The following FMN1 variants were observed in gnomAD, a reference collection of about 807,000 sequenced individuals.
FMN1 encodes formin 1.
Under a neutral mutation model 132.4 loss-of-function variants are expected in FMN1, and 110 were observed. The ratio of observed to expected loss-of-function variants is 0.83; its 90% CI spans 0.71 to 0.97. The LOEUF (loss-of-function observed/expected upper bound fraction) is 0.97. Ranked by LOEUF, FMN1 falls within the 50% of genes least tolerant of loss-of-function variation. The pLI, the probability that FMN1 is intolerant of heterozygous loss-of-function variation, is 0.00. For missense variants in FMN1, 1,792 were observed against 1,705.3 expected, an observed-to-expected ratio of 1.05 and a Z score of -0.90; for synonymous variants, 722 against 651.7, an observed-to-expected ratio of 1.11 and a Z score of -1.64.
intron 4 of FMN1, among the ~76,000 whole-genome samples, chr15:33,133,440 G>A (rs1166559693): frequency 2.0e-5 from 3 of 152,180 alleles, no homozygotes; most frequent in Admixed American, 6.5e-5. Flanking sequence ...CAAAGAGTAC[G>A]AACAGGGCCA....
At chr15:33,023,967 C>T (rs2035544057) in intron 6 of FMN1, among the ~76,000 whole-genome samples, 1 of 151,966 alleles carries the variant, frequency 6.6e-6, no homozygotes. Context: ...GCAGGAGAAA[C>T]TGATAAGCCA....
At position 32,884,446 on chromosome 15, in the gene FMN1, AGACT is replaced by A. The variant is rs1391555474; in HGVS notation, c.3835+3722_3835+3725del. ...GCCAGGGAAAGTCCTCAGCGTTTAA[AGACT>A]GACTTTAAAGATTCATGTGATTAGA... is the stretch of plus-strand genomic sequence containing the variant. On this transcript the variant is annotated intron_variant, in intron 16 of 20. Coordinates refer to ENST00000616417, the MANE Select transcript of FMN1 (RefSeq NM_001277313.2). 7.2e-5 allele frequency among the ~76,000 whole-genome samples: 11 copies of A among 152,320 alleles called. No homozygotes were observed. In the South Asian group the frequency reaches 2.1e-3, roughly 29 times the overall value.
chr15:32,938,898 A>C (rs570329040), intron 9 of FMN1, among the ~76,000 whole-genome samples: 1 of 152,226 alleles, frequency 6.6e-6, no homozygotes, highest in African/African-American at 2.4e-5. Flanking sequence ...TACTAGATCT[A>C]CTAGGCTGGT....
intron 6 of FMN1, among the ~76,000 whole-genome samples, chr15:33,019,516 G>A (rs345837): frequency 0.4 from 60,090 of 152,086 alleles, 12,223 homozygotes; most frequent in Admixed American, 0.48. Context: ...ATGGGACCGG[G>A]CGCCCTGGAG....
chr15:32,872,460 A>G (rs1021947454), intron 16 of FMN1, among the ~76,000 whole-genome samples: 4 of 152,256 alleles, frequency 2.6e-5, no homozygotes, highest in African/African-American at 7.2e-5. Context: ...CCACTGCTCT[A>G]ATCAGGAAAA....
intron 6 of FMN1, among the ~76,000 whole-genome samples, chr15:33,030,658 C>A (rs1432487418): frequency 3.3e-5 from 5 of 152,070 alleles, no homozygotes. Context: ...ACCACTGATT[C>A]TAAGATGCAT....
intron 4 of FMN1, among the ~76,000 whole-genome samples, chr15:33,128,433 C>T (rs1963332006): frequency 6.6e-6 from 1 of 152,148 alleles, no homozygotes; most frequent in South Asian, 2.1e-4. Context: ...TTTCTACCTC[C>T]TAAAAGAATT....
rs1595872619 is a variant in FMN1 at position 32,767,865 on chromosome 15, T to C, written c.*6445A>G. 1 of 152,220 alleles carries C rather than the reference T, an allele frequency of 6.6e-6. No individual in the cohort carries two copies. Among genetic ancestry groups the C allele is most frequent in the Non-Finnish European group, 1.5e-5 (1 of 68,038 alleles). The allele number at this position is 152,220 out of a possible 1,614,324, so 9.4% of individuals were successfully genotyped here. On this transcript the variant is annotated 3_prime_UTR_variant, in exon 21 of 21. Coordinates refer to ENST00000616417, the MANE Select transcript of FMN1 (RefSeq NM_001277313.2). ...TTCCCTCTCACTCATGGATTTGTTT[T>C]CAATGGAAATGGAAGCCTTCCAAAT...
At chr15:33,171,747 A>G (rs896826306) in intron 3 of FMN1, among the ~76,000 whole-genome samples, 1 of 152,148 alleles carries the variant, frequency 6.6e-6, no homozygotes, top group African/African-American at 2.4e-5. Flanking sequence ...TACTGCAGCT[A>G]CAGTTAGTTC....
At chr15:32,989,993 C>T (rs145543187) in intron 7 of FMN1, among the ~76,000 whole-genome samples, 34 of 152,128 alleles carry the variant, frequency 2.2e-4, no homozygotes, top group African/African-American at 8.2e-4. Context: ...CAGAAGGAGA[C>T]AAGTAGATGA....
rs1225109966 is a variant in FMN1, at chr15:32,767,333, C to CT, written c.*6976dup. Reference sequence around the variant, plus strand: ...GCAGCATCCAGGGTCCAGGGTGTCACTAAGAAAACTAAACCCTGAAGTACT... The same window carrying CT: ...GCAGCATCCAGGGTCCAGGGTGTCACTTAAGAAAACTAAACCCTGAAGTACT... On this transcript the variant is annotated 3_prime_UTR_variant, in exon 21 of 21. Transcript: ENST00000616417. The CT allele has an allele frequency of 6.6e-6, 1 of 152,162 alleles. No individual in the cohort carries two copies. The highest frequency in any genetic ancestry group is 1.5e-5 in the Non-Finnish European group (1 of 68,040). 9.4% of individuals were successfully genotyped at this position (152,162 alleles called of 1,614,324 possible).
intron 3 of FMN1, among the ~76,000 whole-genome samples, chr15:33,175,611 T>C (rs1965488470): frequency 6.6e-6 from 1 of 152,202 alleles, no homozygotes; most frequent in Non-Finnish European, 1.5e-5. Flanking sequence ...AAACTAAGCT[T>C]AGAACACTTT....
At chr15:32,780,140 G>C (rs2056618117) in intron 19 of FMN1, among the ~76,000 whole-genome samples, 1 of 152,188 alleles carries the variant, frequency 6.6e-6, no homozygotes, top group Non-Finnish European at 1.5e-5. Context: ...GACTGAGACA[G>C]TATCAGAAGC....
At chr15:33,141,887 G>T (rs1456817234) in intron 4 of FMN1, among the ~76,000 whole-genome samples, 1 of 152,088 alleles carries the variant, frequency 6.6e-6, no homozygotes, top group African/African-American at 2.4e-5. Flanking sequence ...GGCTGGCAAT[G>T]CTCCCAGCAG....
intron 4 of FMN1, among the ~76,000 whole-genome samples, chr15:33,131,885 C>T (rs896832399): frequency 1.3e-5 from 2 of 152,092 alleles, no homozygotes; most frequent in African/African-American, 4.8e-5. Flanking sequence ...TTTAAGATCC[C>T]CAAAGAAAGA....
intron 7 of FMN1, among the ~76,000 whole-genome samples, chr15:33,007,048 G>T (rs77782148): frequency 3.7e-5 from 1 of 26,920 alleles, no homozygotes; most frequent in Admixed American, 8.7e-4. Flanking sequence ...AAAGAGCAGA[G>T]TTTTCGTGTT....
chr15:33,033,761 A>G (rs554633415), intron 6 of FMN1, among the ~76,000 whole-genome samples: 1 of 152,064 alleles, frequency 6.6e-6, no homozygotes, highest in South Asian at 2.1e-4. Flanking sequence ...ACTCCAAATT[A>G]AACTTTTATC....
chr15:33,160,287 A>G (rs1964836756), intron 3 of FMN1, among the ~76,000 whole-genome samples: 1 of 152,180 alleles, frequency 6.6e-6, no homozygotes, highest in African/African-American at 2.4e-5. Context: ...TGGAACTGAC[A>G]TGAAAACCAC....
intron 7 of FMN1, among the ~76,000 whole-genome samples, chr15:32,979,573 A>G (rs999243772): frequency 2.6e-5 from 4 of 151,602 alleles, no homozygotes; most frequent in South Asian, 2.1e-4. Flanking sequence ...AAAAAAAAAA[A>G]AAAAAAGAAA....
Sources: allele counts gnomAD v4.1 joint callset (sites outside exome capture counted in the v4.1 genomes callset), GRCh38; gene constraint gnomAD v4.1.1; transcripts MANE v1.5; gene names NCBI Gene and HGNC (gene_info 2026-07-23, HGNC 2026-07-21).